The following GKAP1 variants were observed in gnomAD, a reference collection of about 807,000 sequenced individuals.
GKAP1 encodes G kinase-anchoring protein 1.
A neutral mutation model predicts 56.7 loss-of-function variants in GKAP1; 31 were observed. The ratio of observed to expected loss-of-function variants is 0.55; its 90% confidence interval spans 0.41 to 0.74. GKAP1 has a LOEUF of 0.74. GKAP1 is among the 30% of genes least tolerant of loss of function. The pLI, the probability that GKAP1 is intolerant of heterozygous loss-of-function variation, is 0.00. For synonymous variants in GKAP1, 151 were observed against 138.6 expected (o/e 1.09, Z -0.63); for missense variants, 364 against 402.3 (o/e 0.90, Z 0.82).
intron 8 of GKAP1, among the ~76,000 whole-genome samples, chr9:83,755,696 A>G (rs1330737592): frequency 4.0e-5 from 6 of 151,400 alleles, no homozygotes; most frequent in Non-Finnish European, 7.4e-5. Context: ...AGGTAAAGGA[A>G]AAACAAAATA....
chr9:83,788,913 T>C, intron 4 of GKAP1: 1 of 306,884 alleles, frequency 3.3e-6, no homozygotes, highest in Non-Finnish European at 5.9e-6. Flanking sequence ...TTATCTATTA[T>C]ATATGATATA....
At chr9:83,770,024 C>T (rs1345834469) in intron 7 of GKAP1, among the ~76,000 whole-genome samples, 18 of 152,192 alleles carry the variant, frequency 1.2e-4, no homozygotes, top group Admixed American at 1.1e-3. Flanking sequence ...AATGTCTTCT[C>T]AGATCCTTTG....
intron 8 of GKAP1, among the ~76,000 whole-genome samples, chr9:83,767,801 C>A (rs1232741476): frequency 1.3e-5 from 2 of 152,208 alleles, no homozygotes; most frequent in Admixed American, 1.3e-4. Flanking sequence ...ATTCTCGTGT[C>A]TCAGCCTACC....
Position 83,739,616 on chromosome 9 carries a change from A to T in GKAP1, c.*81T>A. 1 of 1,034,218 alleles carries T rather than the reference A, an allele frequency of 9.7e-7. No homozygotes were observed. The highest frequency in any genetic ancestry group is 1.4e-6 in the Non-Finnish European group (1 of 697,828). 64.1% of individuals were successfully genotyped at this position (1,034,218 alleles called of 1,614,324 possible). A position where few individuals can be genotyped will look rare whatever the true frequency, so the allele number is the denominator to read the frequency against. On this transcript the variant is annotated 3_prime_UTR_variant, in exon 13 of 13. Transcript: ENST00000376371. Reference sequence around the variant, plus strand: ...TTCAAGAAAAACTGCATAGTTTAGCAGTTGCACAGCATTAAATATATACAA... The same window carrying T: ...TTCAAGAAAAACTGCATAGTTTAGCTGTTGCACAGCATTAAATATATACAA...
chr9:83,791,467 C>T (rs1254082880), intron 4 of GKAP1, among the ~76,000 whole-genome samples: 1 of 151,628 alleles, frequency 6.6e-6, no homozygotes, highest in African/African-American at 2.4e-5. Context: ...CTCCCAGCAA[C>T]TGATTCTAAT....
At chr9:83,777,481 T>C (rs576780487) in intron 7 of GKAP1, among the ~76,000 whole-genome samples, 6 of 152,248 alleles carry the variant, frequency 3.9e-5, no homozygotes, top group Admixed American at 1.3e-4. Context: ...TAAAGAGGTA[T>C]GTACAAGCAC....
chr9:83,759,646 G>A (rs1029850725), intron 8 of GKAP1, among the ~76,000 whole-genome samples: 3 of 151,952 alleles, frequency 2.0e-5, no homozygotes, highest in Non-Finnish European at 4.4e-5. Context: ...TTTAATCTAG[G>A]GGTAGAATTT....
intron 8 of GKAP1, among the ~76,000 whole-genome samples, chr9:83,757,729 A>G (rs936834368): frequency 2.0e-5 from 3 of 152,218 alleles, no homozygotes; most frequent in African/African-American, 7.2e-5. Flanking sequence ...AAATAATGCC[A>G]GTAAGAGATA....
chr9:83,755,629 T>C (rs1943461948), intron 8 of GKAP1, among the ~76,000 whole-genome samples: 1 of 151,796 alleles, frequency 6.6e-6, no homozygotes, highest in African/African-American at 2.4e-5. Flanking sequence ...ATGGAAAAGA[T>C]TGGTAGATGT....
In GKAP1 at chr9:83,788,618, A is replaced by T; in HGVS notation, c.421T>A (p.Tyr141Asn). 6.3e-7 allele frequency: 1 copy of T among 1,589,408 alleles called. No individual in the cohort carries two copies. Among genetic ancestry groups the T allele is most frequent in the Non-Finnish European group, 8.6e-7 (1 of 1,162,414 alleles). The change falls in exon 5 of 13, where the codon TAT becomes AAT. Residue 141 changes from tyrosine to asparagine, a missense_variant. Tyr to Asn is a moderately radical substitution (Grantham distance 143). Coordinates refer to ENST00000376371, the MANE Select transcript of GKAP1 (RefSeq NM_025211.4). ...GTAAATACCTTTTTGTGCTCTTCAT[A>T]TTCTAGTTTACTTAGTAACAATGCC... ...EKALLLSKLEYEEHKKEYEDA... is the reference protein window; with the variant it reads ...EKALLLSKLENEEHKKEYEDA...
At chr9:83,800,625 C>T (rs1380456058) in intron 3 of GKAP1, among the ~76,000 whole-genome samples, 1 of 152,084 alleles carries the variant, frequency 6.6e-6, no homozygotes, top group African/African-American at 2.4e-5. Context: ...CGTGAGCCAC[C>T]GCGCCCGGCC....
chr9:83,741,360 T>TCACACACACACA (rs35325635), intron 12 of GKAP1, among the ~76,000 whole-genome samples: 1 of 48,654 alleles, frequency 2.1e-5, no homozygotes, highest in African/African-American at 4.9e-5. Context: ...AATATATCTC[T>TCACACACACACA]CACACACACA....
chr9:83,795,757 G>A (rs753083880), intron 4 of GKAP1, among the ~76,000 whole-genome samples: 7 of 151,988 alleles, frequency 4.6e-5, no homozygotes, highest in Non-Finnish European at 1.0e-4. Flanking sequence ...TTGCCATATT[G>A]CCTAGGCTGG....
chr9:83,750,764 C>T (rs961612872), intron 9 of GKAP1, among the ~76,000 whole-genome samples: 2 of 152,158 alleles, frequency 1.3e-5, no homozygotes, highest in African/African-American at 4.8e-5. Flanking sequence ...TTATTCAATG[C>T]TTGTAACGTG....
At chr9:83,762,681 G>A (rs1433297827) in intron 8 of GKAP1, among the ~76,000 whole-genome samples, 2 of 152,122 alleles carry the variant, frequency 1.3e-5, no homozygotes, top group East Asian at 3.8e-4. Flanking sequence ...AAATAACAAG[G>A]TACTGGCATA....
intron 8 of GKAP1, among the ~76,000 whole-genome samples, chr9:83,764,079 G>A (rs1943620970): frequency 6.6e-6 from 1 of 152,054 alleles, no homozygotes; most frequent in Non-Finnish European, 1.5e-5. Context: ...CTACAAAGGG[G>A]AAAATCATAA....
At chr9:83,785,764 G>A (rs1437372656) in intron 5 of GKAP1, among the ~76,000 whole-genome samples, 1 of 152,008 alleles carries the variant, frequency 6.6e-6, no homozygotes, top group African/African-American at 2.4e-5. Flanking sequence ...CATCTTCTAC[G>A]CTGCTACATG....
intron 10 of GKAP1, 43 bp downstream of exon 10, chr9:83,748,266 T>G: frequency 7.5e-7 from 1 of 1,330,406 alleles, no homozygotes; most frequent in Non-Finnish European, 1.1e-6. Context: ...TCAGATATTA[T>G]TTAAGATAAA....
intron 7 of GKAP1, among the ~76,000 whole-genome samples, chr9:83,772,306 T>C (rs1026671025): frequency 3.4e-4 from 52 of 152,286 alleles, no homozygotes; most frequent in African/African-American, 1.2e-3. Context: ...ATATTTATGA[T>C]CAAATTTACT....
Sources: allele counts gnomAD v4.1 joint callset (sites outside exome capture counted in the v4.1 genomes callset), GRCh38; gene constraint gnomAD v4.1.1; transcripts MANE v1.5; gene names NCBI Gene and HGNC (gene_info 2026-07-23, HGNC 2026-07-21).